Variants in TENM2 observed in about 807,000 individuals in gnomAD.
TENM2 encodes the protein teneurin-2.
TENM2 carries 52 observed loss-of-function variants against 245.2 expected under a neutral mutation model. The observed-to-expected ratio is 0.21, with a 90% CI of 0.17 to 0.27. The LOEUF is 0.27. Among genes scored for constraint, TENM2 ranks in the 10% least tolerant of loss-of-function variants. TENM2 has a pLI of 1.00. For missense variants in TENM2, 3,046 were observed against 3,666.8 expected, an observed-to-expected ratio of 0.83 and a Z score of 4.37; for synonymous variants, 1,363 against 1,438.9, an observed-to-expected ratio of 0.95 and a Z score of 1.19.
intron 1 of TENM2, among the ~76,000 whole-genome samples, chr5:167,350,583 GGGATATATATATAT>G (rs1194976471): frequency 1.4e-5 from 2 of 141,352 alleles, no homozygotes; most frequent in East Asian, 4.2e-4. Flanking sequence ...ATATATATAT[GGGATATATATATAT>G]GGATATATAT....
chr5:167,029,227 A>G, the TENM2 span, among the ~76,000 whole-genome samples: 29 of 152,310 alleles, frequency 1.9e-4, no homozygotes, highest in African/African-American at 6.7e-4. Context: ...AATTTTCAGT[A>G]TAGGAAGCTG....
chr5:167,559,272 C>G (rs1773442536), intron 2 of TENM2, among the ~76,000 whole-genome samples: 1 of 152,118 alleles, frequency 6.6e-6, no homozygotes, highest in Non-Finnish European at 1.5e-5. Context: ...CCGTTGTGTC[C>G]CCCTGCAATG....
intron 5 of TENM2, among the ~76,000 whole-genome samples, chr5:168,045,656 C>A (rs62383393): frequency 6.6e-6 from 1 of 152,196 alleles, no homozygotes; most frequent in Non-Finnish European, 1.5e-5. Flanking sequence ...CTTGAAAGAA[C>A]CGCACCTCCA....
chr5:167,298,552 C>A (rs917841534), intron 1 of TENM2, among the ~76,000 whole-genome samples: 31 of 152,170 alleles, frequency 2.0e-4, no homozygotes, highest in African/African-American at 7.0e-4. Context: ...TGCAGTGAGC[C>A]GAGATCGTGC....
intron 5 of TENM2, among the ~76,000 whole-genome samples, chr5:168,011,731 G>A (rs570811829): frequency 8.5e-5 from 13 of 152,186 alleles, no homozygotes; most frequent in African/African-American, 2.9e-4. Context: ...TCAGCTCTAT[G>A]CAGCGTAAAC....
intron 2 of TENM2, among the ~76,000 whole-genome samples, chr5:167,788,998 A>G (rs142390897): frequency 2.0e-3 from 298 of 152,278 alleles, no homozygotes; most frequent in African/African-American, 6.9e-3. Flanking sequence ...GCTCTACCCC[A>G]CTAGATCTAC....
rs561282688 is a variant in TENM2 at position 167,581,793 on chromosome 5, G to A, written c.502+206320G>A. 7.9e-5 allele frequency among the ~76,000 whole-genome samples: 12 copies of A among 152,144 alleles called. No individual in the cohort carries two copies. In the South Asian group the frequency reaches 2.5e-3, roughly 32 times the overall value. On this transcript the variant is annotated intron_variant, in intron 2 of 28. Transcript: ENST00000518659. ...CACAATCTGACGCACAGTGTGCTATGTACCAAGGATGCCAAAATGAAAAAG... is the reference window on the plus strand; with the variant it reads ...CACAATCTGACGCACAGTGTGCTATATACCAAGGATGCCAAAATGAAAAAG...
chr5:168,070,781 C>CAGAA (rs201693549), intron 7 of TENM2, among the ~76,000 whole-genome samples: 1,557 of 116,502 alleles, frequency 0.013, 41 homozygotes, highest in African/African-American at 0.05. Context: ...GAGATCCTGT[C>CAGAA]AGAAAGAAAG....
At chr5:167,466,560 T>C (rs937656600) in intron 2 of TENM2, among the ~76,000 whole-genome samples, 3 of 152,220 alleles carry the variant, frequency 2.0e-5, no homozygotes, top group Admixed American at 1.3e-4. Flanking sequence ...TAACATCTTT[T>C]GAGGAATATA....
chr5:167,746,997 GT>G (rs1761634821), intron 2 of TENM2, among the ~76,000 whole-genome samples: 1 of 152,138 alleles, frequency 6.6e-6, no homozygotes. Flanking sequence ...GAAGCTTACA[GT>G]TTCATGTAGA....
chr5:167,790,004 A>T (rs762237492), intron 2 of TENM2, among the ~76,000 whole-genome samples: 9 of 152,246 alleles, frequency 5.9e-5, no homozygotes, highest in Non-Finnish European at 8.8e-5. Flanking sequence ...ACAGATAAAG[A>T]AATGACATCA....
the TENM2 span, among the ~76,000 whole-genome samples, chr5:167,147,187 A>G: frequency 6.6e-6 from 1 of 152,228 alleles, no homozygotes; most frequent in Admixed American, 6.5e-5. Context: ...TAGATCGTAT[A>G]GGGAAACATA....
chr5:167,997,791 T>A (rs1784164541), intron 5 of TENM2, among the ~76,000 whole-genome samples: 1 of 152,228 alleles, frequency 6.6e-6, no homozygotes, highest in Non-Finnish European at 1.5e-5. Context: ...CTGGATTTGG[T>A]CCGCAGGCCA....
chr5:167,842,287 AC>A (rs1216979417), intron 2 of TENM2, among the ~76,000 whole-genome samples: 1 of 152,188 alleles, frequency 6.6e-6, no homozygotes, highest in East Asian at 1.9e-4. Flanking sequence ...AAAAAACAAA[AC>A]AAAACAAAAA....
At chr5:167,244,523 G>A in the TENM2 span, among the ~76,000 whole-genome samples, 12 of 152,364 alleles carry the variant, frequency 7.9e-5, no homozygotes, top group African/African-American at 2.9e-4. Context: ...ATATAGCTGT[G>A]TTCCTGAAGC....
chr5:167,163,816 G>A, the TENM2 span, among the ~76,000 whole-genome samples: 20 of 152,130 alleles, frequency 1.3e-4, no homozygotes, highest in Non-Finnish European at 1.5e-5. Flanking sequence ...AAAAACAAAG[G>A]TATTTTGAAG....
the TENM2 span, among the ~76,000 whole-genome samples, chr5:167,081,551 G>T: frequency 6.6e-6 from 1 of 152,028 alleles, no homozygotes; most frequent in South Asian, 2.1e-4. Context: ...AGTTATTATT[G>T]CAGGCAGAAA....
In TENM2 at chr5:167,963,903, A is replaced by G. The variant is rs1781197759; in HGVS notation, c.947+11081A>G. ...AAGCATATAAGGGAAGTTCTGCATC[A>G]ATGTAAAATAAAAGAACAATGCATA... is the stretch of plus-strand genomic sequence containing the variant. On this transcript the variant is annotated intron_variant, in intron 4 of 28. Coordinates refer to ENST00000518659, the Ensembl canonical transcript of TENM2. 2.0e-5 allele frequency among the ~76,000 whole-genome samples: 3 copies of G among 152,224 alleles called. No homozygotes were observed. In the South Asian group the frequency reaches 6.2e-4, roughly 32 times the overall value.
rs76949230 is a variant in TENM2 at position 167,665,954 on chromosome 5, C to G, written c.503-210032C>G. Reference sequence around the variant, plus strand: ...GCAGATAATACAAGACAGGGTCTAGCTGATAACTTCCACTTCAGTAACCTC... The same window carrying G: ...GCAGATAATACAAGACAGGGTCTAGGTGATAACTTCCACTTCAGTAACCTC... On this transcript the variant is annotated intron_variant, in intron 2 of 28. Transcript: ENST00000518659. Among the ~76,000 whole-genome samples the G allele has an allele frequency of 9.4e-3, 1,437 of 152,312 alleles. 76 individuals are homozygous for G. The East Asian group carries it at 0.16, about 17-fold the overall frequency.
Sources: allele counts gnomAD v4.1 joint callset (sites outside exome capture counted in the v4.1 genomes callset), GRCh38; gene constraint gnomAD v4.1.1; transcripts MANE v1.5; gene names NCBI Gene and HGNC (gene_info 2026-07-23, HGNC 2026-07-21).